The following ADH5 variants were observed in gnomAD, a reference collection of about 807,000 sequenced individuals.
ADH5 encodes the protein alcohol dehydrogenase 5 (class III), chi polypeptide, also known as alcohol dehydrogenase class-3.
In ADH5, 32 loss-of-function variants were observed where a neutral mutation model predicts 40.3. The ratio of observed to expected loss-of-function variants is 0.79; its 90% CI spans 0.60 to 1.07. ADH5 has a LOEUF of 1.07. ADH5 is among the 50% of genes least tolerant of loss of function. The probability of loss-of-function intolerance (pLI) is 0.00; values close to 1 mark genes in which losing one functional copy is unlikely to be tolerated. For missense variants in ADH5, 353 were observed against 460.5 expected (o/e 0.77, Z 2.14); for synonymous variants, 125 against 154.3 (o/e 0.81, Z 1.41).
chr4:99,080,366 G>T (rs1728006511), intron 4 of ADH5: 1 of 181,438 alleles, frequency 5.5e-6, no homozygotes, highest in Non-Finnish European at 1.1e-5. Context: ...TCCTGGGACA[G>T]GGAGGGCCCA....
chr4:99,074,818 T>C, intron 7 of ADH5, 96 bp downstream of exon 7: 1 of 1,373,640 alleles, frequency 7.3e-7, no homozygotes, highest in Non-Finnish European at 9.8e-7. Flanking sequence ...TCATGAAGAT[T>C]CTTGTTAATA....
In ADH5 at chr4:99,072,687, G is replaced by A. The variant is rs757467339; in HGVS notation, c.986C>T (p.Pro329Leu). The part of the protein sequence containing the change: ...FGGWKSVESV[P>L]KLVSEYMSKK... ...GGACATATATTCAGACACCAACTTT[G>A]GGACACTTTCTACACTCTTCCATCC... is the stretch of plus-strand genomic sequence containing the variant. The change falls in exon 8 of 9, where the codon CCA becomes CTA. Residue 329 changes from proline to leucine, a missense_variant. Transcript: ENST00000296412. 6.2e-7 allele frequency: 1 copy of A among 1,612,144 alleles called. No individual in the cohort carries two copies. Among genetic ancestry groups the A allele is most frequent in the Non-Finnish European group, 8.5e-7 (1 of 1,179,368 alleles).
rs191189722 is a variant in ADH5, at chr4:99,085,123, G to C, written c.106C>G (p.Arg36Gly). Residue 36 changes from arginine to glycine, a missense_variant, in exon 2 of 9, where the codon CGA becomes GGA. Arg to Gly is a moderately radical substitution (Grantham distance 125). Transcript: ENST00000296412. ...CTTAAATGTATCATTACCTTGATTCGAACTTCATGAGCCTTTGGGGGTGCC... is the reference window on the plus strand; with the variant it reads ...CTTAAATGTATCATTACCTTGATTCCAACTTCATGAGCCTTTGGGGGTGCC... ...EVAPPKAHEV[R>G]IKIIATAVCH... is the part of the protein sequence containing the mutation. 9 of 1,495,744 alleles carry C rather than the reference G, an allele frequency of 6.0e-6. No homozygotes were observed. Among genetic ancestry groups the C allele is most frequent in the Admixed American group, 4.7e-5 (2 of 42,486 alleles). The allele number at this position is 1,495,744 out of a possible 1,614,324, so 92.7% of individuals were successfully genotyped here.
At position 99,086,319 on chromosome 4, in the gene ADH5, T is replaced by G. The variant is rs1728132570; in HGVS notation, c.13-1103A>C. 2.6e-5 allele frequency among the ~76,000 whole-genome samples: 4 copies of G among 152,274 alleles called. No homozygotes were observed. The South Asian group carries it at 8.3e-4, about 32-fold the overall frequency. ...AGACCTGCTTTAGAGATTATAGTCA[T>G]GTATACCCTCCATTACAAGAGAATC... On this transcript the variant is annotated intron_variant, in intron 1 of 8. Coordinates refer to ENST00000296412, the MANE Select transcript of ADH5 (RefSeq NM_000671.4).
At chr4:99,074,124 G>A (rs1237184606) in intron 7 of ADH5, among the ~76,000 whole-genome samples, 2 of 151,992 alleles carry the variant, frequency 1.3e-5, no homozygotes, top group Non-Finnish European at 1.5e-5. Context: ...TGAGGTAGAG[G>A]ACCTTAAAAG....
intron 2 of ADH5, among the ~76,000 whole-genome samples, chr4:99,083,953 G>A: frequency 6.6e-6 from 1 of 152,166 alleles, no homozygotes; most frequent in East Asian, 1.9e-4. Context: ...TGCCACCAGA[G>A]GTTGAGAAGC....
intron 4 of ADH5, among the ~76,000 whole-genome samples, chr4:99,080,951 A>T (rs1728015475): frequency 6.6e-6 from 1 of 152,238 alleles, no homozygotes; most frequent in Admixed American, 6.5e-5. Flanking sequence ...GTCCTTTAAA[A>T]TTAACTGCCT....
At chr4:99,084,624 A>T (rs1728094806) in intron 2 of ADH5, among the ~76,000 whole-genome samples, 1 of 152,166 alleles carries the variant, frequency 6.6e-6, no homozygotes, top group Non-Finnish European at 1.5e-5. Flanking sequence ...CTGTCTATGG[A>T]AAAGCCATTC....
intron 4 of ADH5, chr4:99,080,347 G>C (rs111488445): frequency 7.4e-4 from 141 of 190,560 alleles, no homozygotes; most frequent in African/African-American, 3.2e-3. Context: ...TGGGGTAGGG[G>C]TTAGGGGATC....
At position 99,081,457 on chromosome 4, in the gene ADH5, A is replaced by C. The variant is rs765393786; in HGVS notation, c.257-5T>G. On this transcript the variant is annotated splice_region_variant and splice_polypyrimidine_tract_variant and intron_variant, in intron 3 of 8. Transcript: ENST00000296412. ...AAAGTGGGATGACAGTGTCACCTGG[A>C]AACAAATGCAAAGACATCCTGAATA... The C allele has an allele frequency of 8.5e-5, 135 of 1,587,372 alleles. 2 individuals carry two copies. In the South Asian group the frequency reaches 1.5e-3, roughly 18 times the overall value.
At chr4:99,079,462 A>C (rs990797488) in intron 4 of ADH5, among the ~76,000 whole-genome samples, 9 of 152,168 alleles carry the variant, frequency 5.9e-5, no homozygotes, top group Non-Finnish European at 1.0e-4. Context: ...GTTACCTAAG[A>C]GGGAGGTAGG....
rs1727934273 is a variant in ADH5, at chr4:99,076,487, G to A, written c.630C>T (p.Gly210=). The change falls in exon 6 of 9, where the codon GGC becomes GGT. Residue 210 remains glycine, a synonymous_variant. Transcript: ENST00000296412. The stretch of plus-strand genomic sequence containing the variant: ...TCCGGGAAGCACCAGCCACTTTACA[G>A]CCCATGATAACTGCCAATCCGACTC... The part of the protein sequence containing the change: ...LGGVGLAVIM[G]CKVAGASRII... The A allele has an allele frequency of 6.2e-7, 1 of 1,614,136 alleles. No individual in the cohort carries two copies. Among genetic ancestry groups the A allele is most frequent in the East Asian group, 2.2e-5 (1 of 44,886 alleles).
intron 4 of ADH5, chr4:99,080,724 A>T (rs2110461912): frequency 1.3e-5 from 2 of 152,682 alleles, no homozygotes; most frequent in South Asian, 4.1e-4. Flanking sequence ...GTCTTCTCTC[A>T]TCTGTGAAAA....
intron 6 of ADH5, 103 bp downstream of exon 6, chr4:99,076,189 T>C (rs1727925097): frequency 5.6e-6 from 7 of 1,243,790 alleles, no homozygotes; most frequent in Non-Finnish European, 7.8e-6. Context: ...AAAATTCTTA[T>C]TAAGAGACTT....
chr4:99,082,518 T>C (rs1728045722), intron 2 of ADH5, among the ~76,000 whole-genome samples: 5 of 152,198 alleles, frequency 3.3e-5, no homozygotes, highest in African/African-American at 9.6e-5. Context: ...CTGGGAAATA[T>C]GATTTTTAAA....
rs1728204242 is a variant in ADH5, at chr4:99,088,735, TC to T, written c.-36del. On this transcript the variant is annotated 5_prime_UTR_variant, in exon 1 of 9. It removes the in-frame stop codon of an upstream open reading frame in the 5' UTR. Coordinates refer to ENST00000296412, the MANE Select transcript of ADH5 (RefSeq NM_000671.4). ...TTCTGGTCGGCGCGGGGGGCTGACATCCGGGGTGGGCCGCGCAGCGACGGAG... is the reference window on the plus strand; with the variant it reads ...TTCTGGTCGGCGCGGGGGGCTGACATCGGGGTGGGCCGCGCAGCGACGGAG... 7.1e-7 allele frequency: 1 copy of T among 1,410,592 alleles called. No individual in the cohort carries two copies. The highest frequency in any genetic ancestry group is 9.5e-7 in the Non-Finnish European group (1 of 1,058,090). 87.4% of individuals were successfully genotyped at this position (1,410,592 alleles called of 1,614,324 possible).
chr4:99,085,312 A>G (rs1251539807), intron 1 of ADH5, 96 bp from the exon 2 acceptor site: 1 of 477,692 alleles, frequency 2.1e-6, no homozygotes, highest in African/African-American at 2.0e-5. Flanking sequence ...AATCTTAAAA[A>G]GTATATCACA....
At chr4:99,086,023 C>A (rs1043064125) in intron 1 of ADH5, among the ~76,000 whole-genome samples, 1 of 121,396 alleles carries the variant, frequency 8.2e-6, no homozygotes, top group Non-Finnish European at 1.8e-5. Flanking sequence ...GGCAACAGAG[C>A]GAGACATCGT....
intron 2 of ADH5, 103 bp from the exon 3 acceptor site, chr4:99,082,219 C>T (rs768620244): frequency 1.2e-5 from 14 of 1,159,850 alleles, no homozygotes; most frequent in Non-Finnish European, 1.6e-5. Flanking sequence ...ATTTCATTGA[C>T]TCTAAGACAC....
Sources: gnomAD v4.1 joint callset for allele counts (sites outside exome capture counted in the v4.1 genomes callset) on GRCh38, gnomAD v4.1.1 for gene constraint, MANE v1.5 for transcripts, NCBI Gene and HGNC (gene_info 2026-07-23, HGNC 2026-07-21) for gene names.